ARL15: variants seen among roughly 807,000 people sequenced by gnomAD.
The protein encoded by ARL15 is ADP-ribosylation factor-like protein 15.
ARL15 carries 19 observed loss-of-function variants against 25.2 expected under a neutral mutation model. The observed-to-expected ratio is 0.75, with a 90% CI of 0.53 to 1.10. The LOEUF is 1.10. Ranked by LOEUF, ARL15 falls within the 50% of genes least tolerant of loss-of-function variation. ARL15 has a pLI of 0.00. For synonymous variants in ARL15, 94 were observed against 86.8 expected (o/e 1.08, Z -0.46); for missense variants, 220 against 246.0 (o/e 0.89, Z 0.71).
chr5:54,181,715 C>A (rs1258767352), intron 1 of ARL15, among the ~76,000 whole-genome samples: 1 of 152,160 alleles, frequency 6.6e-6, no homozygotes, highest in Non-Finnish European at 1.5e-5. Flanking sequence ...AGGAGGATCA[C>A]TTGAGGCTAG....
At position 53,886,722 on chromosome 5, in the gene ARL15, G is replaced by T; in HGVS notation, c.463-9C>A. 6.5e-7 allele frequency: 1 copy of T among 1,536,142 alleles called. No individual in the cohort carries two copies. The highest frequency in any genetic ancestry group is 1.3e-5 in the South Asian group (1 of 79,712). On this transcript the variant is annotated splice_polypyrimidine_tract_variant and intron_variant, in intron 4 of 4. Transcript: ENST00000504924. ...TCAAAATATTTTTTGATCTTAAGAG[G>T]AAAAAATAAAGATAAATAGGTTATT...
chr5:54,248,709 A>G (rs1757157612), intron 1 of ARL15, among the ~76,000 whole-genome samples: 1 of 99,412 alleles, frequency 1.0e-5, no homozygotes, highest in African/African-American at 3.3e-5. Flanking sequence ...TCTTACACAT[A>G]CTAGGTGTTC....
chr5:54,275,395 T>C (rs1757901041), intron 1 of ARL15, among the ~76,000 whole-genome samples: 1 of 152,164 alleles, frequency 6.6e-6, no homozygotes, highest in African/African-American at 2.4e-5. Flanking sequence ...GGTAGTCAGG[T>C]ATCATCACGT....
chr5:54,188,677 G>A (rs1755309085), intron 1 of ARL15, among the ~76,000 whole-genome samples: 1 of 152,064 alleles, frequency 6.6e-6, no homozygotes, highest in South Asian at 2.1e-4. Context: ...AGAATTCTCT[G>A]ATATGTAAAA....
intron 4 of ARL15, among the ~76,000 whole-genome samples, chr5:53,888,243 GTTGT>G (rs1744597612): frequency 6.6e-6 from 1 of 150,990 alleles, no homozygotes; most frequent in East Asian, 1.9e-4. Context: ...CTTTGTTGTT[GTTGT>G]TTTTCTTTTT....
intron 1 of ARL15, among the ~76,000 whole-genome samples, chr5:54,256,374 C>A (rs1477154667): frequency 1.4e-5 from 2 of 142,190 alleles, no homozygotes; most frequent in Admixed American, 7.1e-5. Flanking sequence ...AAATAGAAAT[C>A]CTGAACAGAA....
At chr5:54,041,405 A>C (rs1750339388) in intron 4 of ARL15, among the ~76,000 whole-genome samples, 1 of 152,232 alleles carries the variant, frequency 6.6e-6, no homozygotes, top group Admixed American at 6.5e-5. Context: ...TTTCAAGTAC[A>C]ACATTGCCTA....
chr5:54,094,425 C>CAA (rs1194442107), intron 4 of ARL15, among the ~76,000 whole-genome samples: 12 of 111,954 alleles, frequency 1.1e-4, no homozygotes, highest in African/African-American at 3.6e-4. Context: ...TAACATAGCA[C>CAA]AAAAAAAAAA....
intron 1 of ARL15, among the ~76,000 whole-genome samples, chr5:54,242,891 A>G (rs1019158143): frequency 2.6e-5 from 4 of 152,192 alleles, no homozygotes; most frequent in African/African-American, 9.6e-5. Flanking sequence ...AAAATGCACA[A>G]AGGAAAAAAA....
At chr5:53,910,633 T>TTTTATATATATATA (rs1745420735) in intron 4 of ARL15, among the ~76,000 whole-genome samples, 1 of 55,018 alleles carries the variant, frequency 1.8e-5, no homozygotes, top group African/African-American at 7.4e-5. Flanking sequence ...TAAAAAAAAA[T>TTTTATATATATATA]TATATATATA....
intron 3 of ARL15, among the ~76,000 whole-genome samples, chr5:54,148,120 C>A (rs755702329): frequency 6.6e-5 from 10 of 152,122 alleles, no homozygotes; most frequent in Non-Finnish European, 1.3e-4. Flanking sequence ...TGGTGAAAGA[C>A]ATCAAATGGC....
At chr5:54,220,155 T>C (rs1355307356) in intron 1 of ARL15, among the ~76,000 whole-genome samples, 1 of 152,180 alleles carries the variant, frequency 6.6e-6, no homozygotes, top group Non-Finnish European at 1.5e-5. Flanking sequence ...CCTAGTTATT[T>C]ATGTCTCACA....
intron 4 of ARL15, among the ~76,000 whole-genome samples, chr5:54,085,880 C>G (rs1158693564): frequency 6.6e-6 from 1 of 151,136 alleles, no homozygotes; most frequent in Non-Finnish European, 1.5e-5. Flanking sequence ...CCTATATTCT[C>G]TCCTAAGCGT....
chr5:54,230,196 A>C, intron 1 of ARL15, among the ~76,000 whole-genome samples: 1 of 151,822 alleles, frequency 6.6e-6, no homozygotes, highest in East Asian at 1.9e-4. Context: ...AAAATACAAA[A>C]ATTAGCTGGG....
At position 54,129,578 on chromosome 5, in the gene ARL15, A is replaced by G. The variant is rs138255340; in HGVS notation, c.254-16168T>C. 2.2e-3 allele frequency among the ~76,000 whole-genome samples: 336 copies of G among 152,368 alleles called. 3 individuals carry two copies. Among genetic ancestry groups the G allele is most frequent in the African/African-American group, 7.6e-3 (318 of 41,592 alleles). Reference sequence around the variant, plus strand: ...AGAAATTAAAAGCGTAGCAGTTCAGATTTAATGTAGCATGCAATAGCCACC... The same window carrying G: ...AGAAATTAAAAGCGTAGCAGTTCAGGTTTAATGTAGCATGCAATAGCCACC... On this transcript the variant is annotated intron_variant, in intron 3 of 4. Transcript: ENST00000504924.
At chr5:53,982,570 T>G (rs533687766) in intron 4 of ARL15, among the ~76,000 whole-genome samples, 1 of 152,314 alleles carries the variant, frequency 6.6e-6, no homozygotes, top group Non-Finnish European at 1.5e-5. Flanking sequence ...CATGTTTTCT[T>G]TATCCAGTCT....
chr5:54,256,626 AG>A (rs1239066048), intron 1 of ARL15, among the ~76,000 whole-genome samples: 230 of 149,194 alleles, frequency 1.5e-3, no homozygotes, highest in African/African-American at 4.8e-3. Context: ...AAAAAAAAAA[AG>A]AAAAAGAAAG....
At chr5:53,932,375 C>T (rs1332797392) in intron 4 of ARL15, among the ~76,000 whole-genome samples, 1 of 152,212 alleles carries the variant, frequency 6.6e-6, no homozygotes, top group African/African-American at 2.4e-5. Context: ...CCACCAGCCC[C>T]TAGCCCTGCC....
intron 4 of ARL15, among the ~76,000 whole-genome samples, chr5:53,890,117 A>G (rs910371746): frequency 6.6e-6 from 1 of 152,126 alleles, no homozygotes; most frequent in African/African-American, 2.4e-5. Context: ...CTGGCCTAGG[A>G]TAACATTTTT....
Sources: allele counts gnomAD v4.1 joint callset (sites outside exome capture counted in the v4.1 genomes callset), GRCh38; gene constraint gnomAD v4.1.1; transcripts MANE v1.5; gene names NCBI Gene and HGNC (gene_info 2026-07-23, HGNC 2026-07-21).